The following SPMIP2 variants were observed in gnomAD, a reference collection of about 807,000 sequenced individuals.
The protein encoded by SPMIP2 is protein SPMIP2.
At chr4:158,899,798 C>T in the SPMIP2 span, among the ~76,000 whole-genome samples, 2 of 152,150 alleles carry the variant, frequency 1.3e-5, no homozygotes, top group Non-Finnish European at 2.9e-5. Context: ...AAAAAACCAG[C>T]TCCTGGATTC....
At chr4:159,009,033 T>C in the SPMIP2 span, among the ~76,000 whole-genome samples, 1 of 152,254 alleles carries the variant, frequency 6.6e-6, no homozygotes, top group Non-Finnish European at 1.5e-5. Flanking sequence ...TTTTAGCATT[T>C]ACCAGTTTCT....
At chr4:158,966,595 T>C in the SPMIP2 span, among the ~76,000 whole-genome samples, 1 of 152,320 alleles carries the variant, frequency 6.6e-6, no homozygotes, top group Non-Finnish European at 1.5e-5. Flanking sequence ...ATAACATTTG[T>C]TGAAAAATCT....
chr4:158,904,764 C>T, the SPMIP2 span: 1 of 515,840 alleles, frequency 1.9e-6, no homozygotes, highest in Non-Finnish European at 3.5e-6. Context: ...ACACTTTAGG[C>T]CATTTGTTAC....
At chr4:158,991,796 A>C in the SPMIP2 span, among the ~76,000 whole-genome samples, 1 of 152,218 alleles carries the variant, frequency 6.6e-6, no homozygotes, top group Non-Finnish European at 1.5e-5. Flanking sequence ...TCTTCTAAAC[A>C]GTGAAATATG....
At chr4:158,897,397 G>A in the SPMIP2 span, among the ~76,000 whole-genome samples, 1 of 152,194 alleles carries the variant, frequency 6.6e-6, no homozygotes. Flanking sequence ...TCTAGTTCTA[G>A]ATCCTTGAGG....
the SPMIP2 span, among the ~76,000 whole-genome samples, chr4:159,035,613 T>G: frequency 6.6e-6 from 1 of 152,182 alleles, no homozygotes. Flanking sequence ...CACAAATATA[T>G]ATAGATATAT....
the SPMIP2 span, among the ~76,000 whole-genome samples, chr4:158,908,465 A>G: frequency 6.6e-6 from 1 of 152,368 alleles, no homozygotes. Flanking sequence ...ATTGTTGTAT[A>G]AATTGAGGGA....
chr4:159,001,327 CTCG>C, the SPMIP2 span, among the ~76,000 whole-genome samples: 21 of 152,098 alleles, frequency 1.4e-4, no homozygotes, highest in African/African-American at 4.8e-4. Flanking sequence ...TCTTAATTGC[CTCG>C]TCTTCTTATT....
the SPMIP2 span, among the ~76,000 whole-genome samples, chr4:159,022,689 A>G: frequency 2.0e-5 from 3 of 152,232 alleles, no homozygotes; most frequent in Non-Finnish European, 4.4e-5. Flanking sequence ...TGCCCTAGAT[A>G]CGGATTGTGG....
At chr4:158,923,484 ATAT>A in the SPMIP2 span, among the ~76,000 whole-genome samples, 1 of 152,024 alleles carries the variant, frequency 6.6e-6, no homozygotes, top group Admixed American at 6.6e-5. Flanking sequence ...TATTCTTTTG[ATAT>A]TATAAATGAA....
chr4:158,935,830 C>A, the SPMIP2 span, among the ~76,000 whole-genome samples: 2 of 152,176 alleles, frequency 1.3e-5, no homozygotes, highest in African/African-American at 4.8e-5. Context: ...GGACAAACTC[C>A]ACTTTAATTT....
At chr4:159,028,443 G>A in the SPMIP2 span, among the ~76,000 whole-genome samples, 1 of 152,062 alleles carries the variant, frequency 6.6e-6, no homozygotes, top group African/African-American at 2.4e-5. Context: ...CTATCCTCTG[G>A]CTTAGCCTTC....
At chr4:158,997,487 T>C in the SPMIP2 span, among the ~76,000 whole-genome samples, 1 of 152,096 alleles carries the variant, frequency 6.6e-6, no homozygotes, top group Admixed American at 6.6e-5. Context: ...ACCTCAAAAG[T>C]GGTGGGATTA....
chr4:158,955,188 C>G, the SPMIP2 span, among the ~76,000 whole-genome samples: 1 of 152,174 alleles, frequency 6.6e-6, no homozygotes, highest in South Asian at 2.1e-4. Flanking sequence ...TTAACCTACA[C>G]CCAATAACTG....
At chr4:158,998,775 G>A in the SPMIP2 span, among the ~76,000 whole-genome samples, 102 of 152,290 alleles carry the variant, frequency 6.7e-4, no homozygotes, top group African/African-American at 2.4e-3. Context: ...TCTGAGTAAT[G>A]ATGGTAATTA....
chr4:158,981,076 C>T, the SPMIP2 span, among the ~76,000 whole-genome samples: 6 of 151,904 alleles, frequency 3.9e-5, no homozygotes, highest in South Asian at 2.1e-4. Flanking sequence ...TATCAATAGC[C>T]GAATCGATAA....
At chr4:159,004,078 G>A in the SPMIP2 span, among the ~76,000 whole-genome samples, 2 of 151,950 alleles carry the variant, frequency 1.3e-5, no homozygotes, top group South Asian at 2.1e-4. Context: ...GCACAGTGGC[G>A]CAATCCTGGA....
the SPMIP2 span, among the ~76,000 whole-genome samples, chr4:158,966,762 A>G: frequency 6.6e-6 from 1 of 152,222 alleles, no homozygotes; most frequent in Admixed American, 6.5e-5. Context: ...GGATAAAATA[A>G]TCTACCAAGC....
the SPMIP2 span, among the ~76,000 whole-genome samples, chr4:159,080,787 G>A: frequency 4.6e-5 from 7 of 152,000 alleles, no homozygotes; most frequent in African/African-American, 9.7e-5. Flanking sequence ...GCAGTGGCAC[G>A]ATCTCGGCTC....
Sources: gnomAD v4.1 joint callset for allele counts (sites outside exome capture counted in the v4.1 genomes callset) on GRCh38, gnomAD v4.1.1 for gene constraint, MANE v1.5 for transcripts, NCBI Gene and HGNC (gene_info 2026-07-23, HGNC 2026-07-21) for gene names.